The following GABRG3 variants were observed in gnomAD, a reference collection of about 807,000 sequenced individuals.
The protein encoded by GABRG3 is gamma-aminobutyric acid receptor subunit gamma-3.
GABRG3 carries 25 observed loss-of-function variants against 48.8 expected under a neutral mutation model. The observed-to-expected ratio is 0.51, with a 90% CI of 0.37 to 0.72. The LOEUF (loss-of-function observed/expected upper bound fraction) is 0.72. GABRG3 is among the 30% of genes least tolerant of loss of function. The pLI is 0.00. For missense variants in GABRG3, 394 were observed against 577.9 expected (o/e 0.68, Z 3.26); for synonymous variants, 227 against 217.6 (o/e 1.04, Z -0.38).
At chr15:27,164,747 G>A (rs1887319406) in intron 3 of GABRG3, among the ~76,000 whole-genome samples, 2 of 152,224 alleles carry the variant, frequency 1.3e-5, no homozygotes, top group African/African-American at 4.8e-5. Flanking sequence ...TTTTGTGGCT[G>A]TAATATCACA....
At chr15:27,028,188 C>T (rs940250479) in intron 3 of GABRG3, among the ~76,000 whole-genome samples, 1 of 152,116 alleles carries the variant, frequency 6.6e-6, no homozygotes, top group African/African-American at 2.4e-5. Context: ...GTGATACGGC[C>T]CTGCTGCAGG....
At chr15:27,490,462 A>G (rs938233075) in intron 6 of GABRG3, among the ~76,000 whole-genome samples, 4 of 152,212 alleles carry the variant, frequency 2.6e-5, no homozygotes, top group African/African-American at 9.6e-5. Context: ...TCTTGGCCAG[A>G]CGTCCATTTT....
intron 5 of GABRG3, among the ~76,000 whole-genome samples, chr15:27,342,635 G>A (rs1329771466): frequency 6.6e-6 from 1 of 152,244 alleles, no homozygotes; most frequent in Non-Finnish European, 1.5e-5. Flanking sequence ...TCTTTCAAGG[G>A]GAGAAGCTGG....
intron 5 of GABRG3, among the ~76,000 whole-genome samples, chr15:27,446,341 G>C (rs534878867): frequency 6.6e-6 from 1 of 152,230 alleles, no homozygotes; most frequent in South Asian, 2.1e-4. Context: ...ACATTCGTGT[G>C]CTTCTGATTT....
At chr15:27,129,986 T>C (rs1172922404) in intron 3 of GABRG3, among the ~76,000 whole-genome samples, 1 of 152,164 alleles carries the variant, frequency 6.6e-6, no homozygotes, top group African/African-American at 2.4e-5. Flanking sequence ...TATGTAAATA[T>C]TGTCTCACAT....
intron 3 of GABRG3, among the ~76,000 whole-genome samples, chr15:27,204,323 G>C (rs983110049): frequency 2.6e-5 from 4 of 152,122 alleles, no homozygotes; most frequent in Non-Finnish European, 5.9e-5. Flanking sequence ...CCTATTGCTT[G>C]TTATTGTCAG....
At chr15:26,995,876 TTAAATAACATATTTATTTATCATTTA>T (rs1322728611) in intron 2 of GABRG3, among the ~76,000 whole-genome samples, 5 of 152,138 alleles carry the variant, frequency 3.3e-5, no homozygotes, top group African/African-American at 1.2e-4. Flanking sequence ...TATGCACCAT[TTAAATAACATATTTATTTATCATTTA>T]TGATGTATCA....
chr15:27,388,083 A>AGGGAGGGT (rs1896013673), intron 5 of GABRG3, among the ~76,000 whole-genome samples: 1 of 89,112 alleles, frequency 1.1e-5, no homozygotes, highest in African/African-American at 5.9e-5. Flanking sequence ...GGAAGGAAGG[A>AGGGAGGGT]AAGGAGGGAG....
chr15:27,382,998 A>G (rs576657093), intron 5 of GABRG3, among the ~76,000 whole-genome samples: 1 of 152,336 alleles, frequency 6.6e-6, no homozygotes, highest in East Asian at 1.9e-4. Context: ...TAAGCAAGGA[A>G]TAGACTTTTA....
intron 2 of GABRG3, among the ~76,000 whole-genome samples, chr15:27,005,255 C>T (rs1595467750): frequency 6.6e-6 from 1 of 151,550 alleles, no homozygotes; most frequent in Non-Finnish European, 1.5e-5. Context: ...GGCTGGAGTG[C>T]GGTGGTGCAA....
intron 6 of GABRG3, among the ~76,000 whole-genome samples, chr15:27,500,952 GTTTTT>G (rs61305255): frequency 8.2e-6 from 1 of 122,190 alleles, no homozygotes. Context: ...AGTAACGTAT[GTTTTT>G]TTTTTTTTTT....
At chr15:27,387,858 G>A (rs1341482328) in intron 5 of GABRG3, among the ~76,000 whole-genome samples, 11 of 66,608 alleles carry the variant, frequency 1.7e-4, no homozygotes, top group African/African-American at 6.0e-4. Flanking sequence ...GGGAAGAGAA[G>A]GGAGGAAGGA....
intron 3 of GABRG3, among the ~76,000 whole-genome samples, chr15:27,081,869 C>T (rs1896998323): frequency 6.6e-6 from 1 of 152,156 alleles, no homozygotes; most frequent in Admixed American, 6.5e-5. Context: ...GCTCTTGGAG[C>T]TATATTTCCT....
At chr15:27,512,802 C>T (rs556072323) in intron 6 of GABRG3, among the ~76,000 whole-genome samples, 47 of 152,126 alleles carry the variant, frequency 3.1e-4, no homozygotes, top group Non-Finnish European at 4.6e-4. Context: ...GCTGAGGCAA[C>T]CCATTTGTGC....
chr15:27,271,545 G>C (rs1331056281), intron 3 of GABRG3: 2 of 456,074 alleles, frequency 4.4e-6, no homozygotes, highest in Non-Finnish European at 8.8e-6. Flanking sequence ...CTCCCCAGAA[G>C]CTGGGGTGAG....
At chr15:27,045,989 C>T (rs529439872) in intron 3 of GABRG3, among the ~76,000 whole-genome samples, 16 of 152,270 alleles carry the variant, frequency 1.1e-4, no homozygotes, top group African/African-American at 3.6e-4. Context: ...TGTGGGCAGA[C>T]GTGGGAACTG....
At chr15:27,172,769 A>G (rs1226845807) in intron 3 of GABRG3, among the ~76,000 whole-genome samples, 1 of 152,148 alleles carries the variant, frequency 6.6e-6, no homozygotes, top group Non-Finnish European at 1.5e-5. Flanking sequence ...CCGGTTACCC[A>G]GGGCAGATGC....
At chr15:27,042,632 G>A (rs372977844) in intron 3 of GABRG3, among the ~76,000 whole-genome samples, 19 of 152,322 alleles carry the variant, frequency 1.2e-4, no homozygotes, top group Admixed American at 6.5e-4. Flanking sequence ...TGTGGGAGCC[G>A]CCCCTTGCTT....
intron 2 of GABRG3, among the ~76,000 whole-genome samples, chr15:27,014,341 CTTTA>C (rs1895739775): frequency 2.0e-5 from 3 of 148,258 alleles, no homozygotes; most frequent in Admixed American, 2.0e-4. Flanking sequence ...AGCTACATTT[CTTTA>C]TTTTTTTTTT....
Sources: gnomAD v4.1 joint callset for allele counts (sites outside exome capture counted in the v4.1 genomes callset) on GRCh38, gnomAD v4.1.1 for gene constraint, MANE v1.5 for transcripts, NCBI Gene and HGNC (gene_info 2026-07-23, HGNC 2026-07-21) for gene names.